The following PUS1 variants were observed in gnomAD, a reference collection of about 807,000 sequenced individuals.
The protein encoded by PUS1 is pseudouridine synthase 1.
PUS1 carries 25 observed loss-of-function variants against 38.5 expected under a neutral mutation model. That is an observed-to-expected ratio of 0.65 (90% CI 0.47 to 0.91). PUS1 has a LOEUF of 0.91. PUS1 is among the 40% of genes least tolerant of loss of function. The probability of loss-of-function intolerance (pLI) is 0.00; values close to 1 mark genes in which losing one functional copy is unlikely to be tolerated. For missense variants in PUS1, 597 were observed against 612.3 expected, an observed-to-expected ratio of 0.97 and a Z score of 0.26; for synonymous variants, 282 against 260.4, an observed-to-expected ratio of 1.08 and a Z score of -0.80.
intron 3 of PUS1, among the ~76,000 whole-genome samples, chr12:131,938,517 T>C (rs1214904098): frequency 2.0e-5 from 3 of 152,120 alleles, no homozygotes; most frequent in Non-Finnish European, 4.4e-5. Flanking sequence ...CAGTAAAGTG[T>C]GCGAGTCTTA....
At chr12:131,935,834 A>G (rs148975037) in intron 3 of PUS1, among the ~76,000 whole-genome samples, 9 of 151,822 alleles carry the variant, frequency 5.9e-5, no homozygotes, top group Non-Finnish European at 1.0e-4. Flanking sequence ...TGCCCGGCCT[A>G]TTGTTTATTT....
chr12:131,941,271 C>G lies in PUS1; in HGVS notation c.545-21C>G. ...GGCACTTCTCACCTGCCTTTCTCCT[C>G]CCTGACCACCTCCCCCCTAGGACTG... On this transcript the variant is annotated intron_variant, in intron 4 of 5. Transcript: ENST00000376649. This position sits in a 1 kb window ranked among gnomAD's most constrained non-coding sequence, Gnocchi z 4.4. 1 of 1,610,834 alleles carries G rather than the reference C, an allele frequency of 6.2e-7. No individual in the cohort carries two copies. Among genetic ancestry groups the G allele is most frequent in the Non-Finnish European group, 8.5e-7 (1 of 1,177,346 alleles).
At position 131,941,093 on chromosome 12, in the gene PUS1, C is replaced by G. The variant is rs1891039459; in HGVS notation, c.545-199C>G. On this transcript the variant is annotated intron_variant, in intron 4 of 5. Transcript: ENST00000376649. The surrounding 1 kb of genome is among the most constrained non-coding windows in gnomAD (Gnocchi z 4.4). ...TCAGTCACCTTATAGAGCACTGCAC[C>G]TGTCCCTCCTGTCCATCGTCCTCCT... The G allele has an allele frequency of 3.3e-6, 2 of 604,360 alleles. No individual in the cohort carries two copies. Among genetic ancestry groups the G allele is most frequent in the Admixed American group, 5.6e-5 (2 of 35,632 alleles). The allele number at this position is 604,360 out of a possible 1,614,324, so 37.4% of individuals were successfully genotyped here.
At chr12:131,942,415 T>G (rs567305078) in intron 5 of PUS1, among the ~76,000 whole-genome samples, 129 of 152,048 alleles carry the variant, frequency 8.5e-4, no homozygotes, top group South Asian at 3.1e-3. Flanking sequence ...TTCTTTTTTT[T>G]TTGTTGTTTG....
intron 3 of PUS1, among the ~76,000 whole-genome samples, chr12:131,933,155 G>A (rs957533079): frequency 4.6e-5 from 7 of 150,726 alleles, no homozygotes; most frequent in East Asian, 3.9e-4. Flanking sequence ...CAGCAAAACC[G>A]TATCACTGGA....
intron 5 of PUS1, among the ~76,000 whole-genome samples, chr12:131,943,142 C>A (rs921072407): frequency 5.9e-5 from 9 of 152,220 alleles, no homozygotes; most frequent in African/African-American, 1.9e-4. Flanking sequence ...TTTCCCAAGC[C>A]CGGTGCAGGC....
chr12:131,930,967 A>G (rs1193498674), intron 2 of PUS1, among the ~76,000 whole-genome samples: 1 of 152,116 alleles, frequency 6.6e-6, no homozygotes, highest in African/African-American at 2.4e-5. Context: ...GGCCTCAGGT[A>G]GACATTCCTT....
intron 2 of PUS1, among the ~76,000 whole-genome samples, chr12:131,930,859 C>T (rs1015556745): frequency 1.4e-4 from 21 of 152,116 alleles, no homozygotes; most frequent in Admixed American, 9.8e-4. Flanking sequence ...AATGGGGTCT[C>T]GCTGTGTTGC....
At chr12:131,940,684 T>G (rs946266597) in intron 4 of PUS1, among the ~76,000 whole-genome samples, 1 of 152,148 alleles carries the variant, frequency 6.6e-6, no homozygotes, top group Admixed American at 6.5e-5. Flanking sequence ...TGGGTTCAAG[T>G]GATTCTCCCA....
intron 3 of PUS1, among the ~76,000 whole-genome samples, chr12:131,938,260 A>G (rs1340436774): frequency 6.6e-6 from 1 of 152,132 alleles, no homozygotes; most frequent in African/African-American, 2.4e-5. Flanking sequence ...TCTGGGCAAC[A>G]TAGCAAGACC....
At chr12:131,942,543 A>T (rs1052650075) in intron 5 of PUS1, among the ~76,000 whole-genome samples, 19 of 151,996 alleles carry the variant, frequency 1.3e-4, no homozygotes, top group African/African-American at 3.1e-4. Flanking sequence ...AGTAGCTGGG[A>T]CTACAGGCGC....
At chr12:131,932,687 T>C (rs1198767209) in intron 3 of PUS1, 20 of 410,124 alleles carry the variant, frequency 4.9e-5, no homozygotes, top group Non-Finnish European at 8.4e-5. Context: ...GCCACACTTG[T>C]ATGATGCAAC....
chr12:131,939,111 A>G, intron 3 of PUS1, 62 bp from the exon 4 acceptor site: 2 of 1,052,530 alleles, frequency 1.9e-6, no homozygotes, highest in South Asian at 1.4e-5. Flanking sequence ...CTTCTTTCTC[A>G]GAGACCAGCG....
At chr12:131,931,241 C>G (rs1365583052) in intron 2 of PUS1, among the ~76,000 whole-genome samples, 1 of 152,168 alleles carries the variant, frequency 6.6e-6, no homozygotes, top group Non-Finnish European at 1.5e-5. Flanking sequence ...TTACTGCAGC[C>G]TCCGCCTCCC....
rs183247384 is a variant in PUS1, at chr12:131,944,100, A to G, written c.*514A>G. ...CGTCTCTGCAAAAGATTAGCTGGGC[A>G]TGGCGGCATGCCCTGTAGTTCAGCT... On this transcript the variant is annotated 3_prime_UTR_variant, in exon 6 of 6. Coordinates refer to ENST00000376649, the MANE Select transcript of PUS1 (RefSeq NM_025215.6). 2.9e-4 allele frequency: 53 copies of G among 180,560 alleles called. No individual in the cohort carries two copies. The highest frequency in any genetic ancestry group is 4.7e-5 in the Non-Finnish European group (4 of 84,370). The allele number at this position is 180,560 out of a possible 1,614,324, so 11.2% of individuals were successfully genotyped here.
At chr12:131,930,182 G>T in intron 2 of PUS1, 47 bp downstream of exon 2, 2 of 1,312,566 alleles carry the variant, frequency 1.5e-6, no homozygotes, top group Non-Finnish European at 2.0e-6. Flanking sequence ...TTAGGTGCAG[G>T]TGCGGCCGCC....
rs117445384 is a variant in PUS1, at chr12:131,944,542, C to T, written c.*956C>T. On this transcript the variant is annotated 3_prime_UTR_variant, in exon 6 of 6. Transcript: ENST00000376649. The stretch of plus-strand genomic sequence containing the variant: ...AAAAACAACAAAAAAACCCAGCATC[C>T]TGCACTCTGCAGGGTGGTCCCGAGG... 1,079 of 152,376 alleles carry T rather than the reference C, an allele frequency of 7.1e-3. 34 individuals are homozygous for T. In the South Asian group the frequency reaches 0.092, roughly 13 times the overall value. 9.4% of individuals were successfully genotyped at this position (152,376 alleles called of 1,614,324 possible). A position where few individuals can be genotyped will look rare whatever the true frequency, so the allele number is the denominator to read the frequency against.
chr12:131,942,127 T>G (rs1891105161), intron 5 of PUS1, 144 bp downstream of exon 5: 1 of 841,480 alleles, frequency 1.2e-6, no homozygotes, highest in Admixed American at 2.2e-5. Flanking sequence ...CAGGCGGTCT[T>G]GAGATGTTCC....
At chr12:131,933,632 TG>T (rs1002049695) in intron 3 of PUS1, among the ~76,000 whole-genome samples, 30 of 152,222 alleles carry the variant, frequency 2.0e-4, no homozygotes, top group African/African-American at 7.0e-4. Flanking sequence ...ACATGCCAAG[TG>T]GTCCTGTGAC....
Sources: allele counts gnomAD v4.1 joint callset (sites outside exome capture counted in the v4.1 genomes callset), GRCh38; gene constraint gnomAD v4.1.1; non-coding constraint Gnocchi (gnomAD v3.1); transcripts MANE v1.5; gene names NCBI Gene and HGNC (gene_info 2026-07-23, HGNC 2026-07-21).